Variants in KIF13B observed in about 807,000 individuals in gnomAD.
KIF13B encodes the protein kinesin family member 13B.
In KIF13B, 127 loss-of-function variants were observed where a neutral mutation model predicts 222.0. The observed-to-expected ratio is 0.57, with a 90% CI of 0.50 to 0.66. KIF13B has a LOEUF of 0.66. Among genes scored for constraint, KIF13B ranks in the 30% least tolerant of loss-of-function variants. KIF13B has a pLI of 0.00. For missense variants in KIF13B, 2,173 were observed against 2,379.0 expected (o/e 0.91, Z 1.80); for synonymous variants, 976 against 919.0 (o/e 1.06, Z -1.12).
rs1807092463 is a variant in KIF13B, at chr8:29,068,304, C to T, written c.*2200G>A. 6.6e-6 allele frequency: 1 copy of T among 152,224 alleles called. No homozygotes were observed. The allele number at this position is 152,224 out of a possible 1,614,324, so 9.4% of individuals were successfully genotyped here. A position where few individuals can be genotyped will look rare whatever the true frequency, so the allele number is the denominator to read the frequency against. On this transcript the variant is annotated 3_prime_UTR_variant, in exon 40 of 40. Coordinates refer to ENST00000524189, the MANE Select transcript of KIF13B (RefSeq NM_015254.4). This position sits in a 1 kb window ranked among gnomAD's most constrained non-coding sequence, Gnocchi z 4.4. Reference sequence around the variant, plus strand: ...AAGACGGAGGCCAGCCCGCCCTGGCCCACCACTCTGGAGACCGCACCTCCT... The same window carrying T: ...AAGACGGAGGCCAGCCCGCCCTGGCTCACCACTCTGGAGACCGCACCTCCT...
intron 3 of KIF13B, among the ~76,000 whole-genome samples, chr8:29,193,015 A>T (rs1417720293): frequency 6.6e-6 from 1 of 152,138 alleles, no homozygotes; most frequent in African/African-American, 2.4e-5. Flanking sequence ...GAGGCAGATA[A>T]CCCTGGCAGC....
intron 2 of KIF13B, among the ~76,000 whole-genome samples, chr8:29,243,403 T>TTTGGGCGG (rs1815870069): frequency 6.7e-6 from 1 of 150,282 alleles, no homozygotes; most frequent in Non-Finnish European, 1.5e-5. Context: ...ACACCCGTAA[T>TTTGGGCGG]CCCAGCACTT....
chr8:29,080,545 G>T (rs1563684024), intron 37 of KIF13B, among the ~76,000 whole-genome samples: 2 of 152,182 alleles, frequency 1.3e-5, no homozygotes, highest in Non-Finnish European at 2.9e-5. Context: ...CTGTGCGCCT[G>T]GAGGCTCCAG....
chr8:29,112,069 T>C (rs1809381531), intron 32 of KIF13B, among the ~76,000 whole-genome samples: 1 of 152,222 alleles, frequency 6.6e-6, no homozygotes, highest in African/African-American at 2.4e-5. Context: ...CTAGTTACTA[T>C]CCAACATGAC....
In KIF13B at chr8:29,092,759, G is replaced by A. The variant is rs781130442; in HGVS notation, c.4444C>T (p.Pro1482Ser). Residue 1482 changes from proline to serine, a missense_variant, in exon 37 of 40, where the codon CCC (proline) becomes TCC (serine). Around this residue, in one of 2 missense-constraint regions of KIF13B, gnomAD observed 693 missense variants for 656.2 expected, o/e 1.06. Transcript: ENST00000524189. The part of the protein sequence containing the change: ...RDEKRGKRPS[P>S]LAHQPVPRIM... ...GTGCTTTTTACCTGGTGTGCGAGGGGAGACGGCCGCTTGCCCCTCTTCTCA... is the reference window on the plus strand; with the variant it reads ...GTGCTTTTTACCTGGTGTGCGAGGGAAGACGGCCGCTTGCCCCTCTTCTCA... 26 of 1,612,752 alleles carry A rather than the reference G, an allele frequency of 1.6e-5. No individual in the cohort carries two copies. The highest frequency in any genetic ancestry group is 1.6e-5 in the Non-Finnish European group (19 of 1,179,592).
chr8:29,167,385 C>T lies in KIF13B; in HGVS notation c.1146G>A (p.Leu382=), dbSNP rs1327201850. ...TGGTGCCTCCTACCTCTGCTTTGGT[C>T]AGCTGCTCCCGGAGTTTCTCAACTT... The part of the protein sequence containing the change: ...REEVEKLREQ[L]TKAEAMKSPE... The change falls in exon 11 of 40, where the codon CTG becomes CTA. Residue 382 remains leucine (L), a synonymous_variant. Coordinates refer to ENST00000524189, the MANE Select transcript of KIF13B (RefSeq NM_015254.4). 9.3e-6 allele frequency: 15 copies of T among 1,612,246 alleles called. No homozygotes were observed. The highest frequency in any genetic ancestry group is 1.3e-5 in the Non-Finnish European group (15 of 1,179,692).
At chr8:29,257,481 T>G (rs1816527424) in intron 1 of KIF13B, among the ~76,000 whole-genome samples, 1 of 152,230 alleles carries the variant, frequency 6.6e-6, no homozygotes, top group Admixed American at 6.5e-5. Context: ...TTCTTCCATT[T>G]TCAGCACTTA....
intron 26 of KIF13B, among the ~76,000 whole-genome samples, chr8:29,124,377 T>TA (rs1350678388): frequency 1.3e-5 from 2 of 152,100 alleles, no homozygotes; most frequent in Non-Finnish European, 2.9e-5. Context: ...GGCTTGGGGG[T>TA]AGAGCTTTAA....
chr8:29,126,484 G>T lies in KIF13B; in HGVS notation c.3250C>A (p.Gln1084Lys). Residue 1084 changes from glutamine (Q) to lysine (K), a missense_variant and splice_region_variant, in exon 26 of 40, where the codon CAG becomes AAG. Coordinates refer to ENST00000524189, the MANE Select transcript of KIF13B (RefSeq NM_015254.4). ...HEEEEDMDSY[Q>K]DRDLERLRRK... Reference sequence around the variant, plus strand: ...GAGATTAACAGGTGCTAAATTACCTGGTAGCTGTCCATGTCTTCCTCTTCC... The same window carrying T: ...GAGATTAACAGGTGCTAAATTACCTTGTAGCTGTCCATGTCTTCCTCTTCC... The T allele has an allele frequency of 6.5e-7, 1 of 1,536,376 alleles. No individual in the cohort carries two copies. Among genetic ancestry groups the T allele is most frequent in the Non-Finnish European group, 8.9e-7 (1 of 1,118,116 alleles).
At chr8:29,120,173 T>G (rs905511937) in intron 29 of KIF13B, among the ~76,000 whole-genome samples, 2 of 148,138 alleles carry the variant, frequency 1.4e-5, no homozygotes, top group African/African-American at 5.0e-5. Flanking sequence ...ACAGTTTTTT[T>G]TTTTTTTTTT....
At chr8:29,185,255 A>T (rs1812878097) in intron 6 of KIF13B, among the ~76,000 whole-genome samples, 1 of 152,124 alleles carries the variant, frequency 6.6e-6, no homozygotes, top group African/African-American at 2.4e-5. Flanking sequence ...CCCACTCCGC[A>T]CAAATGTTAT....
At chr8:29,135,723 C>G (rs561478532) in intron 21 of KIF13B, among the ~76,000 whole-genome samples, 1 of 152,226 alleles carries the variant, frequency 6.6e-6, no homozygotes, top group South Asian at 2.1e-4. Context: ...GGTGAAACCC[C>G]ATCGCTACTA....
At chr8:29,196,114 G>C in intron 3 of KIF13B, 73 bp downstream of exon 3, 1 of 1,250,826 alleles carries the variant, frequency 8.0e-7, no homozygotes, top group South Asian at 1.4e-5. Flanking sequence ...TTTTTGAGAA[G>C]AAAACTTCTA....
chr8:29,221,355 G>A lies in KIF13B; in HGVS notation c.149+23991C>T, dbSNP rs184670202. On this transcript the variant is annotated intron_variant, in intron 2 of 39. Coordinates refer to ENST00000524189, the MANE Select transcript of KIF13B (RefSeq NM_015254.4). ...TGACCTCAAGTGATCTGCCCGCTTC[G>A]GCCTCCCAAAATGCTGGGATTACAG... 8.4e-3 allele frequency among the ~76,000 whole-genome samples: 1,263 copies of A among 150,982 alleles called. 13 individuals carry two copies. The highest frequency in any genetic ancestry group is 0.014 in the Middle Eastern group (4 of 294).
intron 12 of KIF13B, among the ~76,000 whole-genome samples, chr8:29,164,830 C>A (rs572108633): frequency 6.6e-6 from 1 of 151,454 alleles, no homozygotes; most frequent in Admixed American, 6.6e-5. Context: ...TAGACGAATT[C>A]TAATGTTCCT....
Position 29,113,508 on chromosome 8 carries a change from A to T in KIF13B, c.3885T>A (p.Ile1295=). Residue 1295 remains isoleucine (I), a synonymous_variant, in exon 32 of 40, where the codon ATT becomes ATA. Coordinates refer to ENST00000524189, the MANE Select transcript of KIF13B (RefSeq NM_015254.4). Reference sequence around the variant, plus strand: ...TTTCAAAAGTCACTCCACAGCCAGGAATAGAACTTCGATGAGACATCTTTT... The same window carrying T: ...TTTCAAAAGTCACTCCACAGCCAGGTATAGAACTTCGATGAGACATCTTTT... ...LLKKMSHRSS[I]PGCGVTFEIV... is the part of the protein sequence containing the mutation. The T allele has an allele frequency of 6.3e-7, 1 of 1,594,980 alleles. No homozygotes were observed. The highest frequency in any genetic ancestry group is 1.3e-5 in the African/African-American group (1 of 74,730).
intron 2 of KIF13B, among the ~76,000 whole-genome samples, chr8:29,204,264 A>G (rs1193830099): frequency 1.3e-5 from 2 of 152,210 alleles, no homozygotes; most frequent in African/African-American, 4.8e-5. Flanking sequence ...CTGATATATA[A>G]ATTCCATAAT....
chr8:29,098,915 G>A lies in KIF13B; in HGVS notation c.4324+218C>T, dbSNP rs577385975. 1.1e-4 allele frequency among the ~76,000 whole-genome samples: 16 copies of A among 152,234 alleles called. No individual in the cohort carries two copies. In the East Asian group the frequency reaches 2.9e-3, roughly 28 times the overall value. Reference sequence around the variant, plus strand: ...GTGCAAAGAGATTCCAGCAATGTACGGCTAACACATCATGATCAGGCGGTA... The same window carrying A: ...GTGCAAAGAGATTCCAGCAATGTACAGCTAACACATCATGATCAGGCGGTA... On this transcript the variant is annotated intron_variant, in intron 36 of 39. Coordinates refer to ENST00000524189, the MANE Select transcript of KIF13B (RefSeq NM_015254.4).
chr8:29,089,899 AAAAAG>A (rs1367196412), intron 37 of KIF13B, among the ~76,000 whole-genome samples: 5 of 151,918 alleles, frequency 3.3e-5, no homozygotes, highest in African/African-American at 7.3e-5. Context: ...AAAAAAAAAA[AAAAAG>A]AAAGAAATGG....
Sources: gnomAD v4.1 joint callset for allele counts (sites outside exome capture counted in the v4.1 genomes callset) on GRCh38, gnomAD v4.1.1 for gene constraint, gnomAD v4.1.1 regional missense constraint, Gnocchi (gnomAD v3.1) non-coding constraint, MANE v1.5 for transcripts, NCBI Gene and HGNC (gene_info 2026-07-23, HGNC 2026-07-21) for gene names.